PARVA: variants seen among roughly 807,000 people sequenced by gnomAD.
PARVA encodes alpha-parvin.
In PARVA, 25 loss-of-function variants were observed where a neutral mutation model predicts 52.6. The observed-to-expected ratio is 0.48, with a 90% CI of 0.35 to 0.66. The LOEUF is 0.66. PARVA is among the 30% of genes least tolerant of loss of function. The pLI, the probability that PARVA is intolerant of heterozygous loss-of-function variation, is 0.01. For synonymous variants in PARVA, 185 were observed against 179.1 expected (o/e 1.03, Z -0.26); for missense variants, 373 against 450.9 (o/e 0.83, Z 1.56).
chr11:12,382,727 A>G (rs565485621), intron 1 of PARVA, among the ~76,000 whole-genome samples: 3 of 152,220 alleles, frequency 2.0e-5, no homozygotes, highest in Non-Finnish European at 4.4e-5. Flanking sequence ...ACACATTTCA[A>G]TTGGATTTCT....
intron 1 of PARVA, among the ~76,000 whole-genome samples, chr11:12,384,242 G>C (rs530313523): frequency 1.1e-4 from 16 of 152,232 alleles, no homozygotes; most frequent in Admixed American, 2.6e-4. Flanking sequence ...TCCTGATACT[G>C]GTTTCCTCTT....
Position 12,513,858 on chromosome 11 carries a change from T to C in PARVA, c.799-139T>C, listed in dbSNP as rs1001920841. 31 of 716,402 alleles carry C rather than the reference T, an allele frequency of 4.3e-5. No individual in the cohort carries two copies. The African/African-American group carries it at 4.6e-4, about 11-fold the overall frequency. The allele number at this position is 716,402 out of a possible 1,614,324, so 44.4% of individuals were successfully genotyped here. On this transcript the variant is annotated intron_variant, in intron 9 of 12. Transcript: ENST00000334956. ...ACTCAATGGCCTTTGCAGAGAGAGC[T>C]CCTGGGCCCAGGGCTCTTGGCTGGG...
At chr11:12,512,658 T>A (rs2135077215) in intron 8 of PARVA, among the ~76,000 whole-genome samples, 1 of 152,380 alleles carries the variant, frequency 6.6e-6, no homozygotes, top group Admixed American at 6.5e-5. Flanking sequence ...ATTATTCACT[T>A]CAGGAGAACA....
chr11:12,508,006 G>A (rs1362468825), intron 6 of PARVA, among the ~76,000 whole-genome samples: 1 of 148,584 alleles, frequency 6.7e-6, no homozygotes, highest in Non-Finnish European at 1.5e-5. Flanking sequence ...ACGGACGGAC[G>A]AGTTTCTAAC....
At chr11:12,381,278 G>C (rs1939482460) in intron 1 of PARVA, among the ~76,000 whole-genome samples, 1 of 152,160 alleles carries the variant, frequency 6.6e-6, no homozygotes, top group South Asian at 2.1e-4. Flanking sequence ...CTGCATCCTG[G>C]ATAAGCTCAC....
chr11:12,500,940 C>T (rs967731276), intron 5 of PARVA, among the ~76,000 whole-genome samples: 9 of 152,082 alleles, frequency 5.9e-5, no homozygotes, highest in African/African-American at 9.7e-5. Context: ...GAAACTCCCT[C>T]TTTACTAAAA....
intron 1 of PARVA, among the ~76,000 whole-genome samples, chr11:12,464,947 C>G (rs1940834335): frequency 6.6e-6 from 1 of 152,174 alleles, no homozygotes; most frequent in African/African-American, 2.4e-5. Flanking sequence ...CACCTCAGAT[C>G]ATTAGGCATT....
At chr11:12,524,144 G>C (rs997171404) in intron 12 of PARVA, among the ~76,000 whole-genome samples, 1 of 152,230 alleles carries the variant, frequency 6.6e-6, no homozygotes, top group Non-Finnish European at 1.5e-5. Flanking sequence ...TGCAGGCATT[G>C]TGCAGTGCAC....
chr11:12,391,505 AAC>A (rs1939658093), intron 1 of PARVA, among the ~76,000 whole-genome samples: 1 of 152,142 alleles, frequency 6.6e-6, no homozygotes, highest in Non-Finnish European at 1.5e-5. Flanking sequence ...GAAAAAGAAA[AAC>A]AACACCCCTG....
intron 6 of PARVA, among the ~76,000 whole-genome samples, chr11:12,504,774 G>GGTGTGTGGGT (rs1554901963): frequency 2.0e-5 from 3 of 149,346 alleles, no homozygotes; most frequent in Admixed American, 1.3e-4. Flanking sequence ...AAGGTATGTG[G>GGTGTGTGGGT]GTGTGTGTGT....
At chr11:12,386,959 C>G (rs886213433) in intron 1 of PARVA, among the ~76,000 whole-genome samples, 1 of 152,212 alleles carries the variant, frequency 6.6e-6, no homozygotes, top group East Asian at 1.9e-4. Context: ...CCCAAGGACA[C>G]CTCCATATTA....
At chr11:12,429,830 C>T (rs567735562) in intron 1 of PARVA, among the ~76,000 whole-genome samples, 1 of 152,128 alleles carries the variant, frequency 6.6e-6, no homozygotes. Flanking sequence ...TAATGGAACA[C>T]TAGGCATAAC....
intron 1 of PARVA, among the ~76,000 whole-genome samples, chr11:12,447,884 C>T (rs943998051): frequency 6.6e-6 from 1 of 152,208 alleles, no homozygotes; most frequent in African/African-American, 2.4e-5. Flanking sequence ...TGATGCTTTG[C>T]TGGCTCTTTG....
At chr11:12,389,269 G>A (rs1589938118) in intron 1 of PARVA, among the ~76,000 whole-genome samples, 1 of 152,122 alleles carries the variant, frequency 6.6e-6, no homozygotes, top group South Asian at 2.1e-4. Flanking sequence ...AGATGGCCCT[G>A]TATATCACCC....
chr11:12,451,102 G>T (rs955956991), intron 1 of PARVA, among the ~76,000 whole-genome samples: 2 of 152,208 alleles, frequency 1.3e-5, no homozygotes, highest in East Asian at 1.9e-4. Context: ...CTGTGGCTTG[G>T]TCAGTGTGCT....
chr11:12,440,778 G>A lies in PARVA; in HGVS notation c.137-32967G>A, dbSNP rs551156740. Among the ~76,000 whole-genome samples the A allele has an allele frequency of 9.2e-5, 14 of 152,024 alleles. No individual in the cohort carries two copies. In the South Asian group the frequency reaches 1.0e-3, roughly 11 times the overall value. On this transcript the variant is annotated intron_variant, in intron 1 of 12. Transcript: ENST00000334956. ...GGCCACTCTCAGCTCCTTGCCATAG[G>A]GCCCCTCCATGTCAGCAACAGAGAA... is the stretch of plus-strand genomic sequence containing the variant.
intron 1 of PARVA, among the ~76,000 whole-genome samples, chr11:12,431,197 C>T (rs885467): frequency 0.29 from 43,513 of 152,036 alleles, 8,101 homozygotes; most frequent in East Asian, 0.54. Flanking sequence ...GCAGCCTTGT[C>T]CCCACTGGGG....
chr11:12,497,821 A>G (rs927168890), intron 5 of PARVA, among the ~76,000 whole-genome samples: 1 of 152,138 alleles, frequency 6.6e-6, no homozygotes, highest in African/African-American at 2.4e-5. Flanking sequence ...AGTTTGGGAA[A>G]TGTATCTGCA....
chr11:12,529,365 G>C lies in PARVA; in HGVS notation c.*1440G>C, dbSNP rs750735704. On this transcript the variant is annotated 3_prime_UTR_variant, in exon 13 of 13. Coordinates refer to ENST00000334956, the MANE Select transcript of PARVA (RefSeq NM_018222.5). ...AGTGACTAGGGGACGAGAAGCATGG[G>C]GAAAATATTTGCACTCTAAACATAC... 1 of 152,092 alleles carries C rather than the reference G, an allele frequency of 6.6e-6. No individual in the cohort carries two copies. Among genetic ancestry groups the C allele is most frequent in the Non-Finnish European group, 1.5e-5 (1 of 68,032 alleles). 9.4% of individuals were successfully genotyped at this position (152,092 alleles called of 1,614,324 possible).
Sources: allele counts gnomAD v4.1 joint callset (sites outside exome capture counted in the v4.1 genomes callset), GRCh38; gene constraint gnomAD v4.1.1; transcripts MANE v1.5; gene names NCBI Gene and HGNC (gene_info 2026-07-23, HGNC 2026-07-21).